The following PDK1 variants were observed in gnomAD, a reference collection of about 807,000 sequenced individuals.
The protein encoded by PDK1 is pyruvate dehydrogenase kinase 1.
A neutral mutation model predicts 54.2 loss-of-function variants in PDK1; 39 were observed. That is an observed-to-expected ratio of 0.72 (90% CI 0.56 to 0.94). The LOEUF (loss-of-function observed/expected upper bound fraction) is 0.94, where lower values mean the gene tolerates loss of function less well. Ranked by LOEUF, PDK1 falls within the 40% of genes least tolerant of loss-of-function variation. The pLI, the probability that PDK1 is intolerant of heterozygous loss-of-function variation, is 0.00. For synonymous variants in PDK1, 221 were observed against 207.1 expected (o/e 1.07, Z -0.58); for missense variants, 552 against 566.0 (o/e 0.98, Z 0.25).
intron 7 of PDK1, among the ~76,000 whole-genome samples, chr2:172,569,958 G>A (rs188553399): frequency 4.2e-4 from 64 of 152,226 alleles, no homozygotes; most frequent in Non-Finnish European, 7.4e-4. Context: ...GAGGCACTCC[G>A]TATTATATTG....
At chr2:172,703,937 T>C in the PDK1 span, among the ~76,000 whole-genome samples, 1 of 151,838 alleles carries the variant, frequency 6.6e-6, no homozygotes. Context: ...CACACCTGGC[T>C]AATTTTTTGT....
the PDK1 span, among the ~76,000 whole-genome samples, chr2:172,624,688 C>A: frequency 6.6e-6 from 1 of 152,044 alleles, no homozygotes; most frequent in African/African-American, 2.4e-5. Flanking sequence ...GAGAGGAAGG[C>A]AGAGCTGAGA....
At chr2:172,701,648 G>GTT in the PDK1 span, among the ~76,000 whole-genome samples, 217 of 124,840 alleles carry the variant, frequency 1.7e-3, 1 homozygote, top group Middle Eastern at 4.2e-3. Context: ...TTTTTGTTTT[G>GTT]TTTTTTTTTT....
chr2:172,594,601 A>G lies in PDK1; in HGVS notation c.1171-1228A>G, dbSNP rs568732614. ...ACAAGCTTGATCTAGCCTGTAGATCAAGAAATTCTGGAATATTTAGAGAAA... is the reference window on the plus strand; with the variant it reads ...ACAAGCTTGATCTAGCCTGTAGATCGAGAAATTCTGGAATATTTAGAGAAA... On this transcript the variant is annotated intron_variant, in intron 10 of 10. Coordinates refer to ENST00000282077, the MANE Select transcript of PDK1 (RefSeq NM_002610.5). 1.4e-4 allele frequency among the ~76,000 whole-genome samples: 22 copies of G among 152,354 alleles called. No individual in the cohort carries two copies. In the South Asian group the frequency reaches 4.1e-3, roughly 29 times the overall value.
At chr2:172,558,172 A>G (rs1688454732) in intron 1 of PDK1, 1 of 152,320 alleles carries the variant, frequency 6.6e-6, no homozygotes, top group African/African-American at 2.4e-5. Flanking sequence ...CAAGTTAAGC[A>G]GTGGGAGTGG....
the PDK1 span, among the ~76,000 whole-genome samples, chr2:172,690,045 C>T: frequency 1.3e-5 from 2 of 150,252 alleles, no homozygotes; most frequent in Non-Finnish European, 3.0e-5. Flanking sequence ...AAAGAAACTA[C>T]CTTCAGAGTG....
intron 6 of PDK1, among the ~76,000 whole-genome samples, chr2:172,567,213 A>T (rs1442922225): frequency 6.6e-6 from 1 of 152,232 alleles, no homozygotes; most frequent in Admixed American, 6.5e-5. Context: ...TAGAAAGAAA[A>T]TGATACCAAG....
At chr2:172,623,350 G>A in the PDK1 span, among the ~76,000 whole-genome samples, 1 of 152,182 alleles carries the variant, frequency 6.6e-6, no homozygotes, top group African/African-American at 2.4e-5. Flanking sequence ...ACAGTTCTGA[G>A]CAGCTATGAT....
At chr2:172,631,634 CT>C in the PDK1 span, among the ~76,000 whole-genome samples, 2 of 152,190 alleles carry the variant, frequency 1.3e-5, no homozygotes, top group Non-Finnish European at 2.9e-5. Flanking sequence ...AGTCATTCTT[CT>C]CTTTTCCCTT....
At chr2:172,641,302 T>G in the PDK1 span, among the ~76,000 whole-genome samples, 1 of 152,040 alleles carries the variant, frequency 6.6e-6, no homozygotes, top group Admixed American at 6.6e-5. Context: ...GCTAATTCTT[T>G]TTTCCTTTTT....
At chr2:172,623,662 A>C in the PDK1 span, among the ~76,000 whole-genome samples, 1 of 152,166 alleles carries the variant, frequency 6.6e-6, no homozygotes, top group Non-Finnish European at 1.5e-5. Context: ...CAAATTTTAC[A>C]CTAAACTTAG....
chr2:172,584,643 T>C (rs933577371), intron 8 of PDK1, among the ~76,000 whole-genome samples: 3 of 142,712 alleles, frequency 2.1e-5, no homozygotes, highest in Non-Finnish European at 4.5e-5. Flanking sequence ...GAAAGGTACA[T>C]GCTTTTTTTT....
chr2:172,636,558 TA>T, the PDK1 span, among the ~76,000 whole-genome samples: 4 of 152,034 alleles, frequency 2.6e-5, no homozygotes, highest in South Asian at 2.1e-4. Context: ...CCATCTCTAC[TA>T]AAAATACAAA....
chr2:172,621,214 G>T, the PDK1 span, among the ~76,000 whole-genome samples: 1 of 152,238 alleles, frequency 6.6e-6, no homozygotes, highest in East Asian at 1.9e-4. Context: ...GTCTGTGAGA[G>T]GGTGTTGCCA....
chr2:172,612,656 A>G (rs536241461), downstream of PDK1, among the ~76,000 whole-genome samples: 26 of 152,308 alleles, frequency 1.7e-4, no homozygotes, highest in Middle Eastern at 3.4e-3. Context: ...TCAGTGAAAG[A>G]AAATGCTACC....
chr2:172,708,420 AG>A, the PDK1 span, among the ~76,000 whole-genome samples: 7 of 152,246 alleles, frequency 4.6e-5, no homozygotes, highest in Non-Finnish European at 8.8e-5. Flanking sequence ...CTTTAACTGT[AG>A]GGGGAGGATA....
chr2:172,636,713 T>C, the PDK1 span, among the ~76,000 whole-genome samples: 2 of 100,110 alleles, frequency 2.0e-5, no homozygotes, highest in African/African-American at 3.9e-5. Context: ...AGAGCAAGAC[T>C]CCATCTCAAA....
chr2:172,576,016 C>T (rs1244012292), intron 8 of PDK1, among the ~76,000 whole-genome samples: 1 of 152,042 alleles, frequency 6.6e-6, no homozygotes, highest in Non-Finnish European at 1.5e-5. Flanking sequence ...CAAGCTCCGC[C>T]TCCCGAGTTC....
chr2:172,694,363 A>C, the PDK1 span, among the ~76,000 whole-genome samples: 3 of 152,264 alleles, frequency 2.0e-5, no homozygotes, highest in Non-Finnish European at 4.4e-5. Context: ...AGAGCTAAAA[A>C]AGAATGGAAA....
Sources: allele counts gnomAD v4.1 joint callset (sites outside exome capture counted in the v4.1 genomes callset), GRCh38; gene constraint gnomAD v4.1.1; transcripts MANE v1.5; gene names NCBI Gene and HGNC (gene_info 2026-07-23, HGNC 2026-07-21).